FGF1: variants seen among roughly 807,000 people sequenced by gnomAD.
FGF1 encodes beta-endothelial cell growth factor.
In FGF1, 9 loss-of-function variants were observed where a neutral mutation model predicts 13.4. The ratio of observed to expected loss-of-function variants is 0.67; its 90% confidence interval spans 0.40 to 1.17. FGF1 has a LOEUF of 1.17. FGF1 is among the 50% of genes most tolerant of loss of function. The pLI is 0.01. For missense variants in FGF1, 156 were observed against 192.7 expected (o/e 0.81, Z 1.13); for synonymous variants, 93 against 79.0 (o/e 1.18, Z -0.94).
At chr5:142,600,557 A>G in intron 3 of FGF1, 145 bp downstream of exon 3, 1 of 661,080 alleles carries the variant, frequency 1.5e-6, no homozygotes, top group Non-Finnish European at 2.7e-6. Context: ...CCTAAAATAA[A>G]GCAGAGTGAG....
intron 1 of FGF1, among the ~76,000 whole-genome samples, chr5:142,646,936 A>C (rs74896986): frequency 0.034 from 5,241 of 152,258 alleles, 113 homozygotes; most frequent in African/African-American, 0.049. Flanking sequence ...AATCAATCGG[A>C]GTTGAAGGAA....
intron 1 of FGF1, chr5:142,671,731 CG>C (rs1771499765): frequency 6.6e-6 from 1 of 152,202 alleles, no homozygotes; most frequent in South Asian, 2.1e-4. Flanking sequence ...TGTGAAGAAA[CG>C]CTTCTTCTAG....
intron 1 of FGF1, among the ~76,000 whole-genome samples, chr5:142,641,794 GGTTTACAAATGGAAT>G (rs1765246035): frequency 1.3e-5 from 2 of 151,488 alleles, no homozygotes; most frequent in South Asian, 4.2e-4. Context: ...ATTCAATTTC[GGTTTACAAATGGAAT>G]ACGTAAAGAG....
rs1013393222 is a variant in FGF1, at chr5:142,646,193, G to A, written c.-34-32032C>T. On this transcript the variant is annotated intron_variant, in intron 1 of 3. Transcript: ENST00000337706. ...CAAAGTGCTGGGATTACAGGCGTGAGCCACCGCACCTGGCCTTTTTTTTTT... is the reference window on the plus strand; with the variant it reads ...CAAAGTGCTGGGATTACAGGCGTGAACCACCGCACCTGGCCTTTTTTTTTT... 1.6e-4 allele frequency among the ~76,000 whole-genome samples: 23 copies of A among 140,524 alleles called. 1 individual carries two copies. Among genetic ancestry groups the A allele is most frequent in the Non-Finnish European group, 4.5e-5 (3 of 66,004 alleles). The allele number at this position is 140,524 out of a possible 152,430, so 92.2% of individuals were successfully genotyped here. A position where few individuals can be genotyped will look rare whatever the true frequency, so the allele number is the denominator to read the frequency against.
intron 2 of FGF1, among the ~76,000 whole-genome samples, chr5:142,605,982 C>T (rs543476258): frequency 7.9e-5 from 12 of 152,132 alleles, no homozygotes; most frequent in South Asian, 2.1e-4. Flanking sequence ...GCTTTTTCCT[C>T]GGGTAGCAGC....
chr5:142,622,972 CCCA>C (rs1456461175), intron 1 of FGF1, among the ~76,000 whole-genome samples: 2 of 152,218 alleles, frequency 1.3e-5, no homozygotes, highest in African/African-American at 4.8e-5. Context: ...GGAGACAGCT[CCCA>C]GAAGCTCATG....
At chr5:142,642,005 T>C (rs1765282316) in intron 1 of FGF1, among the ~76,000 whole-genome samples, 1 of 152,248 alleles carries the variant, frequency 6.6e-6, no homozygotes, top group Admixed American at 6.5e-5. Context: ...GCACTGGAGA[T>C]GATTAACCTC....
At chr5:142,646,783 C>T (rs1241932708) in intron 1 of FGF1, among the ~76,000 whole-genome samples, 9 of 152,198 alleles carry the variant, frequency 5.9e-5, no homozygotes, top group Non-Finnish European at 5.9e-5. Flanking sequence ...TGAGCCACTG[C>T]GCCCGGCCTT....
intron 1 of FGF1, among the ~76,000 whole-genome samples, chr5:142,614,774 C>G (rs928254212): frequency 6.6e-5 from 10 of 152,054 alleles, no homozygotes; most frequent in African/African-American, 2.4e-4. Context: ...GAAAAAGGCA[C>G]AGAGTGGGAG....
At chr5:142,676,256 G>A (rs1013676523) in intron 1 of FGF1, among the ~76,000 whole-genome samples, 8 of 152,146 alleles carry the variant, frequency 5.3e-5, no homozygotes, top group Admixed American at 1.3e-4. Context: ...TTTGCCAGCC[G>A]CAACAATCAT....
Position 142,592,595 on chromosome 5 carries a change from G to A in FGF1, c.*2695C>T. ...GGAGCTGGCTATGAGACTTACTTAA[G>A]ACAGCAATGGGAATGTCCCCAGGTT... On this transcript the variant is annotated 3_prime_UTR_variant, in exon 4 of 4. Transcript: ENST00000337706. The A allele has an allele frequency of 2.5e-6, 1 of 396,352 alleles. No individual in the cohort carries two copies. The highest frequency in any genetic ancestry group is 2.1e-5 in the African/African-American group (1 of 48,676). The allele number at this position is 396,352 out of a possible 1,614,324, so 24.6% of individuals were successfully genotyped here.
intron 1 of FGF1, among the ~76,000 whole-genome samples, chr5:142,629,218 C>T (rs755487917): frequency 6.6e-6 from 1 of 152,140 alleles, no homozygotes; most frequent in African/African-American, 2.4e-5. Context: ...TGCAGTGGCA[C>T]GAATACAGCT....
At chr5:142,613,866 A>G in intron 2 of FGF1, 93 bp downstream of exon 2, 1 of 1,311,130 alleles carries the variant, frequency 7.6e-7, no homozygotes, top group Non-Finnish European at 1.0e-6. Flanking sequence ...ACCTTGGAGA[A>G]GCAAGTACCT....
At chr5:142,618,137 C>T (rs965461480) in intron 1 of FGF1, among the ~76,000 whole-genome samples, 7 of 152,128 alleles carry the variant, frequency 4.6e-5, no homozygotes, top group South Asian at 2.1e-4. Context: ...CCATTGTGCA[C>T]GAAGCCTAGC....
At chr5:142,669,861 C>G (rs1771116710) in intron 1 of FGF1, among the ~76,000 whole-genome samples, 1 of 152,114 alleles carries the variant, frequency 6.6e-6, no homozygotes, top group East Asian at 1.9e-4. Context: ...TCACTCCACA[C>G]TCTGAGATCC....
chr5:142,656,633 A>G (rs1768219641), intron 1 of FGF1, among the ~76,000 whole-genome samples: 1 of 152,234 alleles, frequency 6.6e-6, no homozygotes, highest in Admixed American at 6.5e-5. Flanking sequence ...TTTGGAAACA[A>G]TGTTGCTTCA....
chr5:142,614,177 C>T lies in FGF1; in HGVS notation c.-34-16G>A. 6.2e-7 allele frequency: 1 copy of T among 1,601,606 alleles called. No individual in the cohort carries two copies. Among genetic ancestry groups the T allele is most frequent in the Non-Finnish European group, 8.5e-7 (1 of 1,170,330 alleles). ...GCTTTCAAGACTGTAAGAAATTGAACAAACCTGTAGTCGGTTCTTCCAGCA... is the reference window on the plus strand; with the variant it reads ...GCTTTCAAGACTGTAAGAAATTGAATAAACCTGTAGTCGGTTCTTCCAGCA... On this transcript the variant is annotated splice_polypyrimidine_tract_variant and intron_variant, in intron 1 of 3. Coordinates refer to ENST00000337706, the MANE Select transcript of FGF1 (RefSeq NM_000800.5).
chr5:142,606,904 CAT>C lies in FGF1; in HGVS notation c.170-6101_170-6100del, dbSNP rs1757808495. Among the ~76,000 whole-genome samples, 13 of 152,214 alleles carry C rather than the reference CAT, an allele frequency of 8.5e-5. No homozygotes were observed. The South Asian group carries it at 2.7e-3, about 32-fold the overall frequency. ...GCTGGTGTTTAGTCTATATCTAGTG[CAT>C]AGTTTTCTATTTTACTACGTATGCA... On this transcript the variant is annotated intron_variant, in intron 2 of 3. Transcript: ENST00000337706.
intron 1 of FGF1, among the ~76,000 whole-genome samples, chr5:142,625,328 A>G (rs1449152915): frequency 6.6e-6 from 1 of 151,466 alleles, no homozygotes; most frequent in Non-Finnish European, 1.5e-5. Context: ...ACACACACAC[A>G]CACACACACA....
Sources: gnomAD v4.1 joint callset for allele counts (sites outside exome capture counted in the v4.1 genomes callset) on GRCh38, gnomAD v4.1.1 for gene constraint, MANE v1.5 for transcripts, NCBI Gene and HGNC (gene_info 2026-07-23, HGNC 2026-07-21) for gene names.